The following BTN3A1 variants were observed in gnomAD, a reference collection of about 807,000 sequenced individuals.
BTN3A1 encodes the protein dJ45P21.3 (butyrophilin, subfamily 3, member A1).
BTN3A1 carries 24 observed loss-of-function variants against 43.0 expected under a neutral mutation model. That is an observed-to-expected ratio of 0.56 (90% confidence interval 0.40 to 0.78). The LOEUF is 0.78. BTN3A1 is among the 30% of genes least tolerant of loss of function. The pLI is 0.00. For missense variants in BTN3A1, 533 were observed against 626.2 expected (o/e 0.85, Z 1.59); for synonymous variants, 181 against 234.7 (o/e 0.77, Z 2.09).
At chr6:26,411,045 AGGGAATG>A in intron 7 of BTN3A1, 57 bp from the exon 8 acceptor site, 1 of 1,279,646 alleles carries the variant, frequency 7.8e-7, no homozygotes, top group Non-Finnish European at 1.1e-6. Flanking sequence ...TGTAAAGTTA[AGGGAATG>A]GGGCCAAATC....
chr6:26,408,310 C>T (rs1365548880), intron 4 of BTN3A1, among the ~76,000 whole-genome samples: 3 of 152,066 alleles, frequency 2.0e-5, no homozygotes, highest in Admixed American at 2.0e-4. Context: ...ATTTTAAAAA[C>T]TGAGTAAAAA....
At position 26,411,120 on chromosome 6, in the gene BTN3A1, C is replaced by T. The variant is rs779859515; in HGVS notation, c.976C>T (p.His326Tyr). 6.2e-7 allele frequency: 1 copy of T among 1,604,354 alleles called. No homozygotes were observed. Among genetic ancestry groups the T allele is most frequent in the Non-Finnish European group, 8.5e-7 (1 of 1,176,094 alleles). The change falls in exon 8 of 10, where the codon CAT becomes TAT. Residue 326 changes from histidine (H) to tyrosine (Y), a missense_variant. Physicochemically the swap from His to Tyr is moderately conservative, Grantham distance 83. This residue lies in a region of BTN3A1 where 415 missense variants were observed against 427.0 expected (regional missense o/e 0.97). Transcript: ENST00000289361. ...SIQYASRGER[H>Y]SAYNEWKKAL... ...TTTTTTCATTGTAGGGGGAGAGAGA[C>T]ATTCAGCCTATAATGGTGAGTGAAC...
At chr6:26,406,512 A>G (rs1222129403) in intron 3 of BTN3A1, among the ~76,000 whole-genome samples, 1 of 152,354 alleles carries the variant, frequency 6.6e-6, no homozygotes, top group African/African-American at 2.4e-5. Context: ...AGTGAAGGAC[A>G]AGGGATAGAA....
Position 26,409,211 on chromosome 6 carries a change from TA to T in BTN3A1, c.716-321del, listed in dbSNP as rs1762120395. The stretch of plus-strand genomic sequence containing the variant: ...TGGATGGGAGACTTACGTGACTTTT[TA>T]TACATGTATTTTAGAACCATGTACA... On this transcript the variant is annotated intron_variant, in intron 4 of 9. Transcript: ENST00000289361. 2.0e-5 allele frequency among the ~76,000 whole-genome samples: 3 copies of T among 152,332 alleles called. No individual in the cohort carries two copies. In the South Asian group the frequency reaches 6.2e-4, roughly 32 times the overall value.
At position 26,409,710 on chromosome 6, in the gene BTN3A1, T is replaced by C. The variant is rs746814701; in HGVS notation, c.893T>C (p.Met298Thr). The part of the protein sequence containing the change: ...QELREMAWST[M>T]KQEQSTRVKL... ...TTGAGAGAAATGGCATGGAGCACAA[T>C]GAAGCAAGAACAAAGCACAAGAGGT... is the stretch of plus-strand genomic sequence containing the variant. Residue 298 changes from methionine (M) to threonine (T), a missense_variant, in exon 5 of 10, where the codon ATG becomes ACG. Coordinates refer to ENST00000289361, the MANE Select transcript of BTN3A1 (RefSeq NM_007048.6). 4.4e-6 allele frequency: 7 copies of C among 1,577,682 alleles called. No homozygotes were observed. The highest frequency in any genetic ancestry group is 2.3e-5 in the South Asian group (2 of 85,850).
intron 9 of BTN3A1, chr6:26,412,805 C>T (rs371966751): frequency 1.9e-5 from 29 of 1,550,038 alleles, no homozygotes; most frequent in African/African-American, 1.4e-4. Context: ...CATGAGTGGT[C>T]GAATGAAGGT....
chr6:26,403,721 A>G (rs150601676), intron 1 of BTN3A1, among the ~76,000 whole-genome samples: 153 of 152,162 alleles, frequency 1.0e-3, no homozygotes, highest in African/African-American at 3.3e-3. Context: ...ATGGGGTTTC[A>G]TTATGTTGAC....
At chr6:26,411,656 A>G (rs900608230) in intron 9 of BTN3A1, 75 bp downstream of exon 9, 5 of 1,531,160 alleles carry the variant, frequency 3.3e-6, no homozygotes, top group Non-Finnish European at 4.4e-6. Context: ...TACTTCTCCA[A>G]CTGTTGTGAT....
chr6:26,407,865 A>G lies in BTN3A1; in HGVS notation c.628A>G (p.Met210Val), dbSNP rs1352175876. 10 of 1,614,126 alleles carry G rather than the reference A, an allele frequency of 6.2e-6. No individual in the cohort carries two copies. The highest frequency in any genetic ancestry group is 8.5e-7 in the Non-Finnish European group (1 of 1,180,056). Residue 210 changes from methionine to valine, a missense_variant, in exon 4 of 10, where the codon ATG becomes GTG. Met to Val is a conservative substitution (Grantham distance 21). Transcript: ENST00000289361. ...GTATGCAGTAGCAGCATCTGTGATC[A>G]TGAGAGGCAGCTCTGGGGAGGGTGT... is the stretch of plus-strand genomic sequence containing the variant. ...GLYAVAASVI[M>V]RGSSGEGVSC... is the part of the protein sequence containing the mutation.
Position 26,409,624 on chromosome 6 carries a change from C to T in BTN3A1, c.807C>T (p.Phe269=), listed in dbSNP as rs759632579. The change falls in exon 5 of 10, where the codon TTC becomes TTT. Residue 269 remains phenylalanine (F), a synonymous_variant. Transcript: ENST00000289361. ...TGCTTCTTGGGGGAGCCGGTTACTT[C>T]CTGTGGCAACAGCAGGAGGAAAAAA... is the stretch of plus-strand genomic sequence containing the variant. The part of the protein sequence containing the change: ...LLLLLGGAGY[F]LWQQQEEKKT... The T allele has an allele frequency of 1.6e-5, 25 of 1,609,080 alleles. No homozygotes were observed. In the Admixed American group the frequency reaches 4.0e-4, roughly 26 times the overall value.
intron 7 of BTN3A1, among the ~76,000 whole-genome samples, chr6:26,410,338 G>A (rs1038270360): frequency 6.6e-6 from 1 of 151,970 alleles, no homozygotes; most frequent in African/African-American, 2.4e-5. Flanking sequence ...TCTCTACCAG[G>A]GGCCACAGAC....
Position 26,407,603 on chromosome 6 carries a change from A to G in BTN3A1, c.434-68A>G, listed in dbSNP as rs531155136. 35 of 1,541,778 alleles carry G rather than the reference A, an allele frequency of 2.3e-5. No individual in the cohort carries two copies. In the African/African-American group the frequency reaches 4.1e-4, roughly 18 times the overall value. On this transcript the variant is annotated intron_variant, in intron 3 of 9. Coordinates refer to ENST00000289361, the MANE Select transcript of BTN3A1 (RefSeq NM_007048.6). Reference sequence around the variant, plus strand: ...TTGAATTATGGAATGTGAGTGTGCCATGATTCCTTTTGAGACCCTCTCTGA... The same window carrying G: ...TTGAATTATGGAATGTGAGTGTGCCGTGATTCCTTTTGAGACCCTCTCTGA...
At chr6:26,411,001 A>T (rs1248205805) in intron 7 of BTN3A1, 108 bp from the exon 8 acceptor site, 9 of 99,556 alleles carry the variant, frequency 9.0e-5, no homozygotes, top group South Asian at 5.4e-4. Context: ...TACAGGTGGT[A>T]AAAAAAAAAA....
Position 26,409,576 on chromosome 6 carries a change from A to C in BTN3A1, c.759A>C (p.Ala253=). The C allele has an allele frequency of 6.2e-7, 1 of 1,613,344 alleles. No individual in the cohort carries two copies. The change falls in exon 5 of 10, where the codon GCA becomes GCC. Residue 253 remains alanine, a synonymous_variant. Transcript: ENST00000289361. ...RSAQRWIAAL[A]GTLPVLLLLL... is the part of the protein sequence containing the mutation. ...CCCAGAGGTGGATCGCCGCCCTGGC[A>C]GGGACCCTGCCTGTCTTGCTGCTGC... is the stretch of plus-strand genomic sequence containing the variant.
chr6:26,403,422 G>C (rs1026920598), intron 1 of BTN3A1, among the ~76,000 whole-genome samples: 1 of 151,972 alleles, frequency 6.6e-6, no homozygotes, highest in African/African-American at 2.4e-5. Context: ...TTCTGCATTT[G>C]GCTATTGTAG....
intron 9 of BTN3A1, chr6:26,412,162 G>GA (rs1377404644): frequency 2.4e-6 from 1 of 422,984 alleles, no homozygotes; most frequent in Non-Finnish European, 4.3e-6. Flanking sequence ...AGGGTTAAGG[G>GA]AAAGCAACAA....
intron 9 of BTN3A1, chr6:26,412,865 G>A: frequency 6.6e-7 from 1 of 1,511,694 alleles, no homozygotes; most frequent in Non-Finnish European, 8.9e-7. Context: ...GTGAATATGG[G>A]GAGGGAAACA....
chr6:26,405,724 C>T, intron 2 of BTN3A1, 76 bp downstream of exon 2: 2 of 1,590,248 alleles, frequency 1.3e-6, no homozygotes, highest in Non-Finnish European at 1.7e-6. Context: ...TTGACTCCTT[C>T]CCAAACCTGA....
At position 26,407,802 on chromosome 6, in the gene BTN3A1, A is replaced by G. The variant is rs1762070628; in HGVS notation, c.565A>G (p.Thr189Ala). The G allele has an allele frequency of 2.5e-6, 4 of 1,614,232 alleles. No individual in the cohort carries two copies. The highest frequency in any genetic ancestry group is 3.4e-6 in the Non-Finnish European group (4 of 1,180,046). The part of the protein sequence containing the change: ...WSNNKGENIP[T>A]VEAPVVADGV... ...CAACAACAAGGGAGAGAACATCCCG[A>G]CTGTGGAAGCACCTGTGGTTGCAGA... The change falls in exon 4 of 10, where the codon ACT (threonine) becomes GCT (alanine). Residue 189 changes from threonine to alanine, a missense_variant. Physicochemically the swap from Thr to Ala is moderately conservative, Grantham distance 58 (BLOSUM62 0). Coordinates refer to ENST00000289361, the MANE Select transcript of BTN3A1 (RefSeq NM_007048.6).
Sources: gnomAD v4.1 joint callset for allele counts (sites outside exome capture counted in the v4.1 genomes callset) on GRCh38, gnomAD v4.1.1 for gene constraint, gnomAD v4.1.1 regional missense constraint, MANE v1.5 for transcripts, NCBI Gene and HGNC (gene_info 2026-07-23, HGNC 2026-07-21) for gene names.